Variants in PCDH15 observed in about 807,000 individuals in gnomAD.
PCDH15 encodes protocadherin related 15, also known as protocadherin-15.
Under a neutral mutation model 178.5 loss-of-function variants are expected in PCDH15, and 129 were observed. The ratio of observed to expected loss-of-function variants is 0.72; its 90% CI spans 0.63 to 0.84. PCDH15 has a LOEUF of 0.84. Among genes scored for constraint, PCDH15 ranks in the 40% least tolerant of loss-of-function variants. The pLI, the probability that PCDH15 is intolerant of heterozygous loss-of-function variation, is 0.00. For synonymous variants in PCDH15, 800 were observed against 732.0 expected, an observed-to-expected ratio of 1.09 and a Z score of -1.50; for missense variants, 2,230 against 2,099.9, an observed-to-expected ratio of 1.06 and a Z score of -1.21.
At chr10:54,520,486 G>T (rs2138171722) in intron 3 of PCDH15, among the ~76,000 whole-genome samples, 1 of 152,246 alleles carries the variant, frequency 6.6e-6, no homozygotes, top group Non-Finnish European at 1.5e-5. Context: ...CTGGCCATCA[G>T]AGAAATGCAA....
chr10:55,432,797 T>A (rs1439986588), intron 2 of PCDH15, among the ~76,000 whole-genome samples: 1 of 150,374 alleles, frequency 6.7e-6, no homozygotes, highest in Non-Finnish European at 1.5e-5. Flanking sequence ...ATATATATAT[T>A]TTATTTTTAG....
chr10:54,229,889 C>T (rs1477604686), intron 9 of PCDH15, among the ~76,000 whole-genome samples: 2 of 152,146 alleles, frequency 1.3e-5, no homozygotes, highest in South Asian at 2.1e-4. Context: ...TTTATGAACC[C>T]TCTCATCTCC....
At chr10:55,049,966 T>C (rs1841116626) in intron 2 of PCDH15, among the ~76,000 whole-genome samples, 1 of 152,034 alleles carries the variant, frequency 6.6e-6, no homozygotes, top group African/African-American at 2.4e-5. Flanking sequence ...GAAATTTCAA[T>C]GGCCTTTTGA....
chr10:54,540,695 G>T (rs1224936942), intron 2 of PCDH15, among the ~76,000 whole-genome samples: 2 of 151,976 alleles, frequency 1.3e-5, no homozygotes, highest in Non-Finnish European at 2.9e-5. Context: ...ACCTGTTAAA[G>T]ACACAAGGAA....
At chr10:54,604,835 T>C (rs1056761054) in intron 2 of PCDH15, among the ~76,000 whole-genome samples, 1 of 151,820 alleles carries the variant, frequency 6.6e-6, no homozygotes, top group African/African-American at 2.4e-5. Flanking sequence ...TATTTTGTGT[T>C]TCTTTTTTTG....
intron 3 of PCDH15, among the ~76,000 whole-genome samples, chr10:54,433,265 C>T (rs1346538380): frequency 1.3e-5 from 2 of 152,142 alleles, no homozygotes; most frequent in Non-Finnish European, 2.9e-5. Flanking sequence ...TATATCTGCA[C>T]TCCCTTGTTT....
At chr10:54,747,927 T>G (rs1486332460) in intron 1 of PCDH15, among the ~76,000 whole-genome samples, 2 of 151,064 alleles carry the variant, frequency 1.3e-5, no homozygotes, top group Admixed American at 1.3e-4. Context: ...TGCCTCAGCC[T>G]CCAGAGTAGC....
At chr10:55,576,536 A>G (rs1842499210) in intron 2 of PCDH15, among the ~76,000 whole-genome samples, 1 of 152,226 alleles carries the variant, frequency 6.6e-6, no homozygotes, top group African/African-American at 2.4e-5. Context: ...CTACATGGAA[A>G]TGAATACTCC....
chr10:55,392,492 C>T (rs1837820044), intron 2 of PCDH15, among the ~76,000 whole-genome samples: 1 of 152,058 alleles, frequency 6.6e-6, no homozygotes, highest in African/African-American at 2.4e-5. Flanking sequence ...GCATCCAATC[C>T]AGGATTCCAC....
chr10:54,702,002 C>T (rs1343485734), intron 1 of PCDH15, among the ~76,000 whole-genome samples: 1 of 152,030 alleles, frequency 6.6e-6, no homozygotes, highest in African/African-American at 2.4e-5. Context: ...ACATAATATA[C>T]ATTCTTCTCA....
At chr10:54,264,617 G>A (rs763728736) in intron 8 of PCDH15, among the ~76,000 whole-genome samples, 10 of 152,050 alleles carry the variant, frequency 6.6e-5, no homozygotes, top group Non-Finnish European at 1.5e-4. Context: ...TTCGAAATAC[G>A]GTTGGGAGTC....
At chr10:54,660,208 G>C (rs1257882594) in intron 2 of PCDH15, among the ~76,000 whole-genome samples, 2 of 151,974 alleles carry the variant, frequency 1.3e-5, no homozygotes, top group Non-Finnish European at 2.9e-5. Context: ...AACAAAAAGA[G>C]AAGATTCTAA....
At chr10:54,856,777 G>A (rs74327076) in intron 3 of PCDH15, among the ~76,000 whole-genome samples, 2,353 of 152,182 alleles carry the variant, frequency 0.015, 59 homozygotes, top group African/African-American at 0.05. Context: ...TACAAATACT[G>A]TAGTCTACGG....
chr10:55,083,884 A>ACAATGAAAACTATAAAAACTG, intron 2 of PCDH15, among the ~76,000 whole-genome samples: 1 of 151,850 alleles, frequency 6.6e-6, no homozygotes, highest in African/African-American at 2.4e-5. Flanking sequence ...TATAAAAACT[A>ACAATGAAAACTATAAAAACTG]CAATAAAAAC....
chr10:54,159,320 T>C (rs957652018), intron 13 of PCDH15, among the ~76,000 whole-genome samples: 1 of 152,216 alleles, frequency 6.6e-6, no homozygotes, highest in African/African-American at 2.4e-5. Flanking sequence ...AGTGTTTTTT[T>C]CTTCCTCTAG....
intron 2 of PCDH15, among the ~76,000 whole-genome samples, chr10:55,126,090 C>CA (rs1184837827): frequency 1.3e-5 from 2 of 152,018 alleles, no homozygotes; most frequent in African/African-American, 2.4e-5. Context: ...CCCCATATGG[C>CA]AAAACTCAGC....
intron 10 of PCDH15, 108 bp from the exon 11 acceptor site, chr10:54,195,997 C>A: frequency 1.1e-6 from 1 of 950,900 alleles, no homozygotes; most frequent in Non-Finnish European, 1.6e-6. Flanking sequence ...CTAATATCAT[C>A]ACATAAGGAA....
intron 1 of PCDH15, among the ~76,000 whole-genome samples, chr10:55,304,999 C>T (rs1000444743): frequency 2.0e-5 from 3 of 152,100 alleles, no homozygotes; most frequent in African/African-American, 7.2e-5. Flanking sequence ...AATCATAAAA[C>T]CATAGGGCTT....
In PCDH15 at chr10:54,295,873, G is replaced by A. The variant is rs377375583; in HGVS notation, c.876+21398C>T. Among the ~76,000 whole-genome samples the A allele has an allele frequency of 2.0e-4, 31 of 152,104 alleles. 1 individual carries two copies. The highest frequency in any genetic ancestry group is 7.8e-4 in the East Asian group (4 of 5,138). The stretch of plus-strand genomic sequence containing the variant: ...TTAAAAGTGGTTGGTGGCCGGGCGC[G>A]GTGGCTCACGCCTGTAATCCCAGCA... On this transcript the variant is annotated intron_variant, in intron 8 of 37. Coordinates refer to ENST00000644397, the MANE Select transcript of PCDH15 (RefSeq NM_001384140.1).
Sources: gnomAD v4.1 joint callset for allele counts (sites outside exome capture counted in the v4.1 genomes callset) on GRCh38, gnomAD v4.1.1 for gene constraint, MANE v1.5 for transcripts, NCBI Gene and HGNC (gene_info 2026-07-23, HGNC 2026-07-21) for gene names.